The following ANK3 variants were observed in gnomAD, a reference collection of about 807,000 sequenced individuals.
The protein encoded by ANK3 is ankyrin-3.
ANK3 carries 57 observed loss-of-function variants against 370.9 expected under a neutral mutation model. That is an observed-to-expected ratio of 0.15 (90% CI 0.12 to 0.19). The LOEUF (loss-of-function observed/expected upper bound fraction) is 0.19, where lower values mean the gene tolerates loss of function less well. Among genes scored for constraint, ANK3 ranks in the 10% least tolerant of loss-of-function variants. The probability of loss-of-function intolerance (pLI) is 1.00; values close to 1 mark genes in which losing one functional copy is unlikely to be tolerated. For missense variants in ANK3, 4,439 were observed against 5,302.1 expected (o/e 0.84, Z 5.06); for synonymous variants, 1,929 against 1,946.3 (o/e 0.99, Z 0.23).
At chr10:60,623,693 G>A (rs574020222) in intron 1 of ANK3, among the ~76,000 whole-genome samples, 2 of 152,342 alleles carry the variant, frequency 1.3e-5, no homozygotes, top group Admixed American at 6.5e-5. Flanking sequence ...GGAGAGGGAA[G>A]TAGATGAAGG....
At chr10:60,033,040 T>C (rs540275589) in intron 43 of ANK3, among the ~76,000 whole-genome samples, 1 of 152,300 alleles carries the variant, frequency 6.6e-6, no homozygotes, top group African/African-American at 2.4e-5. Context: ...CTCATCTCCC[T>C]TTTCTGGTTT....
intron 41 of ANK3, among the ~76,000 whole-genome samples, chr10:60,058,423 C>T (rs1002447212): frequency 6.6e-6 from 1 of 152,146 alleles, no homozygotes; most frequent in South Asian, 2.1e-4. Context: ...AAATGTTCAT[C>T]ATGGCAATAT....
intron 1 of ANK3, among the ~76,000 whole-genome samples, chr10:60,700,515 G>C (rs2079531526): frequency 1.3e-5 from 2 of 152,072 alleles, no homozygotes; most frequent in Non-Finnish European, 2.9e-5. Context: ...ATAAGCCAGG[G>C]AAACCCTGCA....
chr10:60,285,527 C>G (rs1254755471), intron 1 of ANK3, among the ~76,000 whole-genome samples: 1 of 146,280 alleles, frequency 6.8e-6, no homozygotes, highest in African/African-American at 2.4e-5. Flanking sequence ...AAAATCTTCC[C>G]TCGAGCTTTT....
intron 2 of ANK3, among the ~76,000 whole-genome samples, chr10:60,505,102 C>A (rs1595164374): frequency 6.6e-6 from 1 of 152,164 alleles, no homozygotes; most frequent in South Asian, 2.1e-4. Flanking sequence ...GCTCTCTACC[C>A]CCAATGACAA....
At chr10:60,336,090 C>CGGGGGG (rs112016027) in intron 1 of ANK3, among the ~76,000 whole-genome samples, 3 of 148,794 alleles carry the variant, frequency 2.0e-5, no homozygotes, top group African/African-American at 7.6e-5. Flanking sequence ...CATAGTTTGG[C>CGGGGGG]GGGGGGGGGA....
At chr10:60,169,929 G>A (rs2095736437) in intron 21 of ANK3, among the ~76,000 whole-genome samples, 1 of 152,096 alleles carries the variant, frequency 6.6e-6, no homozygotes, top group South Asian at 2.1e-4. Context: ...GGGGAGGGAG[G>A]AGCATTTCCT....
chr10:60,286,126 C>T (rs975801016), intron 1 of ANK3, among the ~76,000 whole-genome samples: 31 of 152,316 alleles, frequency 2.0e-4, no homozygotes, highest in Admixed American at 5.2e-4. Context: ...CACATACCCT[C>T]TTTTCAGCTC....
chr10:60,273,309 T>C (rs2098030300), intron 4 of ANK3, among the ~76,000 whole-genome samples: 1 of 152,164 alleles, frequency 6.6e-6, no homozygotes, highest in South Asian at 2.1e-4. Context: ...GTTACATACT[T>C]CCTTGTTTTT....
chr10:60,551,362 C>T (rs543088787), intron 2 of ANK3, among the ~76,000 whole-genome samples: 14 of 152,148 alleles, frequency 9.2e-5, no homozygotes, highest in African/African-American at 1.4e-4. Context: ...ATTAATTTTT[C>T]GGCCATTCAA....
intron 2 of ANK3, among the ~76,000 whole-genome samples, chr10:60,396,727 C>A (rs2063247667): frequency 6.6e-6 from 1 of 152,078 alleles, no homozygotes; most frequent in Non-Finnish European, 1.5e-5. Flanking sequence ...TATATTTAAG[C>A]TGGCCAAAAG....
chr10:60,178,533 T>A (rs906808407), intron 18 of ANK3, among the ~76,000 whole-genome samples: 5 of 152,204 alleles, frequency 3.3e-5, no homozygotes, highest in African/African-American at 1.2e-4. Context: ...TTTATTTTAT[T>A]ATGATGATGA....
chr10:60,533,072 C>T (rs2076644754), intron 2 of ANK3, among the ~76,000 whole-genome samples: 1 of 152,068 alleles, frequency 6.6e-6, no homozygotes, highest in South Asian at 2.1e-4. Context: ...GAACTTGATC[C>T]CGGGACTCTA....
intron 28 of ANK3, among the ~76,000 whole-genome samples, chr10:60,089,366 C>T (rs1366986755): frequency 6.6e-6 from 1 of 152,092 alleles, no homozygotes; most frequent in Non-Finnish European, 1.5e-5. Flanking sequence ...GCTCACCCTC[C>T]TGTCACCCGG....
At chr10:60,393,048 G>A (rs1426799481), upstream of ANK3, among the ~76,000 whole-genome samples, 1 of 152,194 alleles carries the variant, frequency 6.6e-6, no homozygotes, top group African/African-American at 2.4e-5. Context: ...AAAGTCCCAG[G>A]TACAAGAATT....
At chr10:60,549,362 A>G (rs928864904) in intron 2 of ANK3, among the ~76,000 whole-genome samples, 1 of 152,170 alleles carries the variant, frequency 6.6e-6, no homozygotes, top group East Asian at 1.9e-4. Context: ...ATGTTGTATA[A>G]TGTTCTTGCT....
intron 2 of ANK3, among the ~76,000 whole-genome samples, chr10:60,483,525 A>G (rs1595121969): frequency 6.6e-6 from 1 of 152,204 alleles, no homozygotes. Flanking sequence ...TAAAAATAAG[A>G]TGACAAAGAC....
intron 1 of ANK3, among the ~76,000 whole-genome samples, chr10:60,647,935 C>A (rs1336819419): frequency 1.3e-5 from 2 of 151,552 alleles, no homozygotes; most frequent in Admixed American, 6.6e-5. Flanking sequence ...GCAACCTCTG[C>A]CTCCCAGGTT....
rs767946572 is a variant in ANK3 at position 60,198,371 on chromosome 10, T to C, written c.1658A>G (p.Asp553Gly). The part of the protein sequence containing the change: ...GHEDVAAFLL[D>G]HGASLSITTK... ...TGTTATAGATAAAGACGCTCCATGA[T>C]CCAAAAGGAACGCGGCCACATCCTC... The change falls in exon 14 of 44, where the codon GAT (aspartate) becomes GGT (glycine). Residue 553 changes from aspartate to glycine, a missense_variant. By Grantham distance (94) the Asp-to-Gly change is moderately conservative. This residue lies in a region of ANK3 where 192 missense variants were observed against 192.1 expected (regional missense o/e 1.00). Transcript: ENST00000280772. 2.5e-6 allele frequency: 4 copies of C among 1,614,060 alleles called. No individual in the cohort carries two copies. The highest frequency in any genetic ancestry group is 3.3e-5 in the Admixed American group (2 of 60,000).
Sources: gnomAD v4.1 joint callset for allele counts (sites outside exome capture counted in the v4.1 genomes callset) on GRCh38, gnomAD v4.1.1 for gene constraint, gnomAD v4.1.1 regional missense constraint, MANE v1.5 for transcripts, NCBI Gene and HGNC (gene_info 2026-07-23, HGNC 2026-07-21) for gene names.